The following EPHB1 variants were observed in gnomAD, a reference collection of about 807,000 sequenced individuals.
EPHB1 encodes EPH receptor B1.
Under a neutral mutation model 94.4 loss-of-function variants are expected in EPHB1, and 30 were observed. The ratio of observed to expected loss-of-function variants is 0.32; its 90% CI spans 0.24 to 0.43. The LOEUF is 0.43. Among genes scored for constraint, EPHB1 ranks in the 20% least tolerant of loss-of-function variants. EPHB1 has a pLI of 1.00. For missense variants in EPHB1, 1,055 were observed against 1,308.3 expected (o/e 0.81, Z 2.99); for synonymous variants, 522 against 489.1 (o/e 1.07, Z -0.89).
intron 1 of EPHB1, among the ~76,000 whole-genome samples, chr3:134,836,344 G>C (rs56866399): frequency 0.051 from 7,752 of 152,254 alleles, 568 homozygotes; most frequent in African/African-American, 0.16. Flanking sequence ...ATCAGATGCA[G>C]TTTTTGCTTT....
chr3:134,897,755 T>C (rs1000954885), intron 1 of EPHB1, among the ~76,000 whole-genome samples: 20 of 152,190 alleles, frequency 1.3e-4, no homozygotes, highest in African/African-American at 4.1e-4. Flanking sequence ...AACCCTAGGA[T>C]TGTCTGTGAA....
chr3:135,091,318 C>G (rs1170234382), intron 3 of EPHB1, among the ~76,000 whole-genome samples: 1 of 152,194 alleles, frequency 6.6e-6, no homozygotes, highest in Non-Finnish European at 1.5e-5. Flanking sequence ...ATGACTTGTT[C>G]TGGTTCACCT....
Position 134,880,709 on chromosome 3 carries a change from T to C in EPHB1, c.59-45107T>C, listed in dbSNP as rs373077371. ...GACCACCCTCTGAGCACCCAGCCAA[T>C]GCTTGGGCAGAGCGGTAGATGAGCA... On this transcript the variant is annotated intron_variant, in intron 1 of 15. Coordinates refer to ENST00000398015, the MANE Select transcript of EPHB1 (RefSeq NM_004441.5). Among the ~76,000 whole-genome samples the C allele has an allele frequency of 2.6e-5, 4 of 152,330 alleles. No homozygotes were observed. In the East Asian group the frequency reaches 5.8e-4, roughly 22 times the overall value.
chr3:135,000,188 C>T (rs1935129724), intron 3 of EPHB1, among the ~76,000 whole-genome samples: 1 of 152,232 alleles, frequency 6.6e-6, no homozygotes, highest in African/African-American at 2.4e-5. Flanking sequence ...AAAAACCTAG[C>T]TTTGAAATGG....
intron 2 of EPHB1, among the ~76,000 whole-genome samples, chr3:134,935,279 G>C (rs920909366): frequency 2.6e-5 from 4 of 152,098 alleles, no homozygotes; most frequent in Admixed American, 2.6e-4. Flanking sequence ...GGAGAGTGAG[G>C]ATAAGACGAA....
At chr3:134,966,405 A>G (rs954923657) in intron 3 of EPHB1, among the ~76,000 whole-genome samples, 3 of 152,214 alleles carry the variant, frequency 2.0e-5, no homozygotes, top group African/African-American at 7.2e-5. Context: ...ACCTCCTATC[A>G]TAAAAGGGGA....
At chr3:135,065,558 T>C (rs1937570265) in intron 3 of EPHB1, among the ~76,000 whole-genome samples, 2 of 152,226 alleles carry the variant, frequency 1.3e-5, no homozygotes, top group Non-Finnish European at 2.9e-5. Flanking sequence ...TTCCACCCTT[T>C]AAGTTTTAGT....
chr3:135,093,262 G>A (rs1938622341), intron 3 of EPHB1, among the ~76,000 whole-genome samples: 1 of 152,248 alleles, frequency 6.6e-6, no homozygotes, highest in Admixed American at 6.5e-5. Context: ...CAGAAAGGCT[G>A]GACTTGACTG....
At chr3:134,814,996 A>G (rs1560245541) in intron 1 of EPHB1, among the ~76,000 whole-genome samples, 1 of 152,340 alleles carries the variant, frequency 6.6e-6, no homozygotes, top group East Asian at 1.9e-4. Flanking sequence ...CTTCTGCATC[A>G]GGGAAGCAGC....
intron 1 of EPHB1, among the ~76,000 whole-genome samples, chr3:134,905,191 A>G (rs912415309): frequency 2.0e-5 from 3 of 152,202 alleles, no homozygotes; most frequent in African/African-American, 7.2e-5. Context: ...AGTTGCAGGT[A>G]GAGAAGATTG....
At chr3:134,819,270 C>T (rs2036334484) in intron 1 of EPHB1, among the ~76,000 whole-genome samples, 1 of 152,124 alleles carries the variant, frequency 6.6e-6, no homozygotes, top group Non-Finnish European at 1.5e-5. Flanking sequence ...TCCTCCCTCT[C>T]CCTATGCCTT....
intron 5 of EPHB1, among the ~76,000 whole-genome samples, chr3:135,142,818 G>T (rs553504983): frequency 6.6e-6 from 1 of 152,292 alleles, no homozygotes; most frequent in East Asian, 1.9e-4. Context: ...GGAAGACAAA[G>T]ACTGAAGCTC....
chr3:134,933,302 A>C (rs372774313), intron 2 of EPHB1, among the ~76,000 whole-genome samples: 2 of 152,170 alleles, frequency 1.3e-5, no homozygotes, highest in South Asian at 4.2e-4. Flanking sequence ...CCTGGAGAAG[A>C]TCAGACATCT....
intron 1 of EPHB1, among the ~76,000 whole-genome samples, chr3:134,883,421 G>A: frequency 6.6e-6 from 1 of 152,184 alleles, no homozygotes; most frequent in Non-Finnish European, 1.5e-5. Flanking sequence ...GGAGGGTGGT[G>A]AGCATTCCGT....
chr3:135,082,563 G>A (rs958825659), intron 3 of EPHB1, among the ~76,000 whole-genome samples: 4 of 152,138 alleles, frequency 2.6e-5, no homozygotes, highest in Non-Finnish European at 5.9e-5. Flanking sequence ...CAGTGCTAAG[G>A]GGATTCTGGA....
chr3:135,064,472 G>A (rs528539615), intron 3 of EPHB1, among the ~76,000 whole-genome samples: 6 of 151,840 alleles, frequency 4.0e-5, no homozygotes, highest in South Asian at 2.1e-4. Context: ...CTAGGTTTTC[G>A]AATTTACATG....
At chr3:135,185,995 GTGA>G (rs1942318829) in intron 10 of EPHB1, among the ~76,000 whole-genome samples, 1 of 152,180 alleles carries the variant, frequency 6.6e-6, no homozygotes, top group Admixed American at 6.5e-5. Flanking sequence ...TCTTCTAAGT[GTGA>G]TCAGTTATCA....
intron 14 of EPHB1, 39 bp downstream of exon 14, chr3:135,248,548 T>C: frequency 6.6e-7 from 1 of 1,520,708 alleles, no homozygotes; most frequent in South Asian, 1.2e-5. Flanking sequence ...ATATGGCTGG[T>C]TTCATGGTCA....
chr3:134,890,510 G>T lies in EPHB1; in HGVS notation c.59-35306G>T, dbSNP rs559992694. Among the ~76,000 whole-genome samples, 328 of 152,280 alleles carry T rather than the reference G, an allele frequency of 2.2e-3. 2 individuals carry two copies. Among genetic ancestry groups the T allele is most frequent in the Non-Finnish European group, 3.8e-3 (261 of 68,026 alleles). On this transcript the variant is annotated intron_variant, in intron 1 of 15. Coordinates refer to ENST00000398015, the MANE Select transcript of EPHB1 (RefSeq NM_004441.5). ...ATGTACCTCCTTTGTACATTTCTGAGAATTTCTCTTGGCTGTCTTGGGCAT... is the reference window on the plus strand; with the variant it reads ...ATGTACCTCCTTTGTACATTTCTGATAATTTCTCTTGGCTGTCTTGGGCAT...
Sources: allele counts gnomAD v4.1 joint callset (sites outside exome capture counted in the v4.1 genomes callset), GRCh38; gene constraint gnomAD v4.1.1; transcripts MANE v1.5; gene names NCBI Gene and HGNC (gene_info 2026-07-23, HGNC 2026-07-21).